Variants in DNM3 observed in about 807,000 individuals in gnomAD.
DNM3 encodes the protein dynamin 3, also known as dynamin-3.
A neutral mutation model predicts 101.6 loss-of-function variants in DNM3; 47 were observed. The ratio of observed to expected loss-of-function variants is 0.46; its 90% confidence interval spans 0.37 to 0.59. The LOEUF is 0.59. Ranked by LOEUF, DNM3 falls within the 20% of genes least tolerant of loss-of-function variation. DNM3 has a pLI of 0.00. For synonymous variants in DNM3, 385 were observed against 387.9 expected (o/e 0.99, Z 0.09); for missense variants, 849 against 1,085.7 (o/e 0.78, Z 3.06).
chr1:171,994,914 G>A (rs1472118579), intron 4 of DNM3, among the ~76,000 whole-genome samples: 1 of 151,860 alleles, frequency 6.6e-6, no homozygotes, highest in East Asian at 1.9e-4. Context: ...AGTTACAATT[G>A]TCTGAAAATT....
chr1:171,934,870 G>A (rs979272788), intron 2 of DNM3, among the ~76,000 whole-genome samples: 2 of 152,144 alleles, frequency 1.3e-5, no homozygotes, highest in Admixed American at 1.3e-4. Flanking sequence ...AGCATAATCA[G>A]CATTATCAGC....
At position 172,131,210 on chromosome 1, in the gene DNM3, T is replaced by C. The variant is rs779266809; in HGVS notation, c.1581T>C (p.Ile527=). 2 of 1,613,468 alleles carry C rather than the reference T, an allele frequency of 1.2e-6. No individual in the cohort carries two copies. Among genetic ancestry groups the C allele is most frequent in the South Asian group, 1.1e-5 (1 of 91,056 alleles). ...IRKGWLTISN[I]GIMKGGSKGY... Reference sequence around the variant, plus strand: ...AGGGGTGGCTCACCATCAGCAACATTGGCATCATGAAAGGCGGCTCGAAGG... The same window carrying C: ...AGGGGTGGCTCACCATCAGCAACATCGGCATCATGAAAGGCGGCTCGAAGG... The change falls in exon 14 of 21, where the codon ATT becomes ATC. Residue 527 remains isoleucine, a synonymous_variant. Transcript: ENST00000627582.
chr1:171,976,442 G>T (rs2044375882), intron 2 of DNM3, among the ~76,000 whole-genome samples: 1 of 152,212 alleles, frequency 6.6e-6, no homozygotes, highest in Non-Finnish European at 1.5e-5. Flanking sequence ...GAGAACATGT[G>T]CAGGGGAACT....
At chr1:172,039,519 T>A (rs2049215651) in intron 7 of DNM3, among the ~76,000 whole-genome samples, 1 of 152,110 alleles carries the variant, frequency 6.6e-6, no homozygotes, top group African/African-American at 2.4e-5. Context: ...TTCTTGGGTT[T>A]TGTTGAGCTC....
intron 6 of DNM3, 125 bp from the exon 7 acceptor site, chr1:172,038,194 C>A: frequency 8.0e-7 from 1 of 1,245,318 alleles, no homozygotes; most frequent in Non-Finnish European, 1.1e-6. Context: ...CAAATGCAGA[C>A]ATAATGTTTG....
intron 14 of DNM3, among the ~76,000 whole-genome samples, chr1:172,141,707 T>C (rs2057591638): frequency 6.6e-6 from 1 of 152,036 alleles, no homozygotes; most frequent in Non-Finnish European, 1.5e-5. Flanking sequence ...GTAGATAGTA[T>C]ATTTTGGTCT....
At chr1:171,972,559 A>T (rs2044070967) in intron 2 of DNM3, among the ~76,000 whole-genome samples, 1 of 152,216 alleles carries the variant, frequency 6.6e-6, no homozygotes. Flanking sequence ...CTTTAAATAC[A>T]GATTCCTAGG....
Position 172,376,800 on chromosome 1 carries a change from C to A in DNM3, c.1894-2218C>A, listed in dbSNP as rs541379748. ...TTGTTTTACTGATTATTTACTAAAG[C>A]CTCTCAATTTTTTTTAATGCTAAGA... On this transcript the variant is annotated intron_variant, in intron 17 of 20. Coordinates refer to ENST00000627582, the MANE Select transcript of DNM3 (RefSeq NM_015569.5). Among the ~76,000 whole-genome samples, 507 of 152,026 alleles carry A rather than the reference C, an allele frequency of 3.3e-3. 2 individuals carry two copies. Among genetic ancestry groups the A allele is most frequent in the African/African-American group, 0.012 (481 of 41,500 alleles).
chr1:172,360,424 A>G (rs1390695059), intron 17 of DNM3, among the ~76,000 whole-genome samples: 1 of 152,040 alleles, frequency 6.6e-6, no homozygotes, highest in Non-Finnish European at 1.5e-5. Flanking sequence ...CACTTTATAG[A>G]TAGTATCCTA....
intron 2 of DNM3, among the ~76,000 whole-genome samples, chr1:171,975,511 A>G (rs2044305335): frequency 6.6e-6 from 1 of 152,236 alleles, no homozygotes; most frequent in Admixed American, 6.5e-5. Flanking sequence ...TTTAGAATAG[A>G]TATCACTCCA....
intron 14 of DNM3, among the ~76,000 whole-genome samples, chr1:172,248,585 GAAATAAATTTCAAGGCCACA>G (rs2062046971): frequency 6.6e-6 from 1 of 151,792 alleles, no homozygotes; most frequent in Non-Finnish European, 1.5e-5. Context: ...AGGTGGCCTT[GAAATAAATTTCAAGGCCACA>G]AGAACCTGCC....
At chr1:172,071,925 G>A (rs750359061) in intron 11 of DNM3, among the ~76,000 whole-genome samples, 23 of 152,098 alleles carry the variant, frequency 1.5e-4, no homozygotes, top group Admixed American at 2.0e-4. Context: ...CCCCACATGC[G>A]ACCTGGCTCT....
chr1:172,061,951 G>A (rs772647539), intron 10 of DNM3, among the ~76,000 whole-genome samples: 2 of 152,138 alleles, frequency 1.3e-5, no homozygotes, highest in East Asian at 1.9e-4. Flanking sequence ...TGTAATACAT[G>A]TCTAATGTAA....
intron 20 of DNM3, among the ~76,000 whole-genome samples, chr1:172,404,989 G>C (rs529272139): frequency 7.5e-4 from 114 of 152,064 alleles, no homozygotes; most frequent in Non-Finnish European, 1.4e-3. Flanking sequence ...TGTACAATTT[G>C]GCAACTGGAG....
chr1:171,971,182 G>A lies in DNM3; in HGVS notation c.236-16474G>A, dbSNP rs565669683. 1.1e-4 allele frequency among the ~76,000 whole-genome samples: 16 copies of A among 151,954 alleles called. No homozygotes were observed. The South Asian group carries it at 3.3e-3, about 32-fold the overall frequency. Reference sequence around the variant, plus strand: ...GGTATGTGTTCTTATTTGCCCAGCCGTATATCTCCTATTTCCTTTTGTTTT... The same window carrying A: ...GGTATGTGTTCTTATTTGCCCAGCCATATATCTCCTATTTCCTTTTGTTTT... On this transcript the variant is annotated intron_variant, in intron 2 of 20. Coordinates refer to ENST00000627582, the MANE Select transcript of DNM3 (RefSeq NM_015569.5).
chr1:172,344,101 C>A (rs1445054174), intron 17 of DNM3, among the ~76,000 whole-genome samples: 1 of 152,194 alleles, frequency 6.6e-6, no homozygotes, highest in African/African-American at 2.4e-5. Context: ...TAGCCAATTT[C>A]TTTCCATTGA....
chr1:171,911,439 C>T (rs1972338), intron 1 of DNM3, among the ~76,000 whole-genome samples: 1 of 151,790 alleles, frequency 6.6e-6, no homozygotes, highest in Non-Finnish European at 1.5e-5. Flanking sequence ...CGTGACACCA[C>T]GCCCGGCTAA....
chr1:172,301,060 G>A (rs1302419426), intron 15 of DNM3, among the ~76,000 whole-genome samples: 1 of 152,216 alleles, frequency 6.6e-6, no homozygotes, highest in Admixed American at 6.5e-5. Flanking sequence ...GAGTTTAGGT[G>A]GAGATGGAGG....
intron 4 of DNM3, among the ~76,000 whole-genome samples, chr1:172,031,609 A>C (rs996050128): frequency 1.3e-5 from 2 of 152,186 alleles, no homozygotes; most frequent in Non-Finnish European, 2.9e-5. Flanking sequence ...AATACTGTCC[A>C]TTTCATCTAA....
Sources: allele counts gnomAD v4.1 joint callset (sites outside exome capture counted in the v4.1 genomes callset), GRCh38; gene constraint gnomAD v4.1.1; transcripts MANE v1.5; gene names NCBI Gene and HGNC (gene_info 2026-07-23, HGNC 2026-07-21).